The following KLF13 variants were observed in gnomAD, a reference collection of about 807,000 sequenced individuals.
KLF13 encodes the protein KLF transcription factor 13.
KLF13 carries 8 observed loss-of-function variants against 16.7 expected under a neutral mutation model. That is an observed-to-expected ratio of 0.48 (90% CI 0.28 to 0.87). The LOEUF (loss-of-function observed/expected upper bound fraction) is 0.87, where lower values mean the gene tolerates loss of function less well. KLF13 is among the 40% of genes least tolerant of loss of function. KLF13 has a pLI of 0.10. For missense variants in KLF13, 447 were observed against 452.2 expected (o/e 0.99, Z 0.10); for synonymous variants, 245 against 208.4 (o/e 1.18, Z -1.51).
At chr15:31,344,804 T>G (rs898600090) in intron 1 of KLF13, among the ~76,000 whole-genome samples, 1 of 150,492 alleles carries the variant, frequency 6.6e-6, no homozygotes. Flanking sequence ...TGGGGCAGGA[T>G]GAGGGTGGGA....
chr15:31,394,124 G>GA (rs72315214), intron 2 of KLF13, among the ~76,000 whole-genome samples: 1 of 151,548 alleles, frequency 6.6e-6, no homozygotes, highest in Non-Finnish European at 1.5e-5. Context: ...TAAGTTAAAG[G>GA]AAAAAAAAGG....
In KLF13 at chr15:31,374,387, G is replaced by A. The variant is rs2039609466; in HGVS notation, c.*2088G>A. The A allele has an allele frequency of 6.6e-6, 1 of 152,460 alleles. No individual in the cohort carries two copies. 9.4% of individuals were successfully genotyped at this position (152,460 alleles called of 1,614,324 possible). A position where few individuals can be genotyped will look rare whatever the true frequency, so the allele number is the denominator to read the frequency against. ...CCCTCTGGCTGCCATGCTGTGTTGG[G>A]GCTCTCTGACCTCCCTGCTTGCATT... On this transcript the variant is annotated 3_prime_UTR_variant, in exon 2 of 2. Coordinates refer to ENST00000307145, the MANE Select transcript of KLF13 (RefSeq NM_015995.4).
chr15:31,364,031 G>C (rs1370855344), intron 1 of KLF13, among the ~76,000 whole-genome samples: 1 of 152,166 alleles, frequency 6.6e-6, no homozygotes, highest in East Asian at 1.9e-4. Flanking sequence ...CCTTTGCACA[G>C]TTACCACTAC....
intron 1 of KLF13, among the ~76,000 whole-genome samples, chr15:31,339,034 T>C (rs1315213514): frequency 6.6e-6 from 1 of 152,124 alleles, no homozygotes; most frequent in African/African-American, 2.4e-5. Flanking sequence ...GGCTTCCTTC[T>C]TCCGCCCTCT....
At chr15:31,354,132 CAGTG>C (rs2039262918) in intron 1 of KLF13, among the ~76,000 whole-genome samples, 1 of 152,176 alleles carries the variant, frequency 6.6e-6, no homozygotes, top group Non-Finnish European at 1.5e-5. Context: ...TCTGCCCTCC[CAGTG>C]AGTGTCAGGC....
downstream of KLF13, among the ~76,000 whole-genome samples, chr15:31,379,059 A>C (rs974740846): frequency 1.3e-5 from 2 of 152,144 alleles, no homozygotes; most frequent in African/African-American, 4.8e-5. Flanking sequence ...AACCACCACA[A>C]AATGTGAAGT....
At chr15:31,339,898 G>C (rs2038993201) in intron 1 of KLF13, 1 of 701,424 alleles carries the variant, frequency 1.4e-6, no homozygotes, top group Non-Finnish European at 2.6e-6. Context: ...GTGCAGGCCT[G>C]ACCCTTCACC....
rs12442724 is a variant in KLF13, at chr15:31,398,904, C to T, written n.530-4524C>T. Among the ~76,000 whole-genome samples the T allele has an allele frequency of 0.025, 3,797 of 152,248 alleles. 331 individuals carry two copies. In the East Asian group the frequency reaches 0.29, roughly 12 times the overall value. On this transcript the variant is annotated intron_variant and non_coding_transcript_variant, in intron 2 of 2. Transcript: ENST00000500533. ...CGCCTACACAGCTCCCTTTGATCTGCCCCACTGGGCGGGGCTGTGTCATCT... is the reference window on the plus strand; with the variant it reads ...CGCCTACACAGCTCCCTTTGATCTGTCCCACTGGGCGGGGCTGTGTCATCT...
downstream of KLF13, among the ~76,000 whole-genome samples, chr15:31,407,345 A>T (rs2040141636): frequency 6.6e-6 from 1 of 152,136 alleles, no homozygotes; most frequent in Admixed American, 6.5e-5. Flanking sequence ...AGAAAGGATC[A>T]ATACCTGGGC....
intron 1 of KLF13, among the ~76,000 whole-genome samples, chr15:31,333,515 G>A (rs1234057698): frequency 6.6e-6 from 1 of 152,114 alleles, no homozygotes; most frequent in Non-Finnish European, 1.5e-5. Context: ...TTCCCATAGG[G>A]TCATTGGGTA....
At chr15:31,383,843 A>G (rs949265855) in intron 1 of KLF13, among the ~76,000 whole-genome samples, 1 of 152,184 alleles carries the variant, frequency 6.6e-6, no homozygotes. Context: ...CAGAGCTTGC[A>G]GTGAGCCAAG....
intron 1 of KLF13, among the ~76,000 whole-genome samples, chr15:31,332,892 G>T (rs57882292): frequency 1.3e-5 from 2 of 152,294 alleles, no homozygotes; most frequent in African/African-American, 4.8e-5. Context: ...CAAGCATGGG[G>T]CCATTTGTGG....
intron 1 of KLF13, among the ~76,000 whole-genome samples, chr15:31,338,945 T>C (rs2038978753): frequency 6.6e-6 from 1 of 151,974 alleles, no homozygotes; most frequent in Admixed American, 6.6e-5. Context: ...CAGGGGGGCC[T>C]GAGGAGGGAG....
chr15:31,346,663 ATCTT>A (rs1450933178), intron 1 of KLF13, among the ~76,000 whole-genome samples: 1 of 152,254 alleles, frequency 6.6e-6, no homozygotes. Flanking sequence ...TCACTTCCGT[ATCTT>A]TCTTTCTCTT....
In KLF13 at chr15:31,374,873, G is replaced by T. The variant is rs983992400; in HGVS notation, c.*2574G>T. 4 of 150,448 alleles carry T rather than the reference G, an allele frequency of 2.7e-5. No individual in the cohort carries two copies. Among genetic ancestry groups the T allele is most frequent in the Non-Finnish European group, 5.9e-5 (4 of 67,468 alleles). The allele number at this position is 150,448 out of a possible 1,614,324, so 9.3% of individuals were successfully genotyped here. A position where few individuals can be genotyped will look rare whatever the true frequency, so the allele number is the denominator to read the frequency against. ...GCAGGGCGGGGGGTGGGGGAGGGAA[G>T]CGGGTGTTGGCTGTTTCCAAAGAGA... On this transcript the variant is annotated 3_prime_UTR_variant, in exon 2 of 2. Coordinates refer to ENST00000307145, the MANE Select transcript of KLF13 (RefSeq NM_015995.4).
intron 1 of KLF13, among the ~76,000 whole-genome samples, chr15:31,357,029 C>T (rs534051312): frequency 2.0e-5 from 3 of 152,294 alleles, no homozygotes; most frequent in African/African-American, 7.2e-5. Context: ...CATATTTTTT[C>T]CCTCTTACCC....
intron 1 of KLF13, among the ~76,000 whole-genome samples, chr15:31,414,513 C>T (rs1482990550): frequency 6.6e-6 from 1 of 151,950 alleles, no homozygotes; most frequent in East Asian, 1.9e-4. Flanking sequence ...AATAGATTGA[C>T]AGTAAAAAGA....
At chr15:31,433,957 C>T (rs75975082) in intron 1 of KLF13, among the ~76,000 whole-genome samples, 2,257 of 152,326 alleles carry the variant, frequency 0.015, 23 homozygotes, top group Middle Eastern at 0.031. Flanking sequence ...CACCAGGAGA[C>T]ACCACCCCTC....
intron 1 of KLF13, among the ~76,000 whole-genome samples, chr15:31,351,228 G>C (rs1394709856): frequency 6.6e-6 from 1 of 152,152 alleles, no homozygotes; most frequent in Non-Finnish European, 1.5e-5. Context: ...TGAGTGCCTG[G>C]CATTTGTTTT....
Sources: gnomAD v4.1 joint callset for allele counts (sites outside exome capture counted in the v4.1 genomes callset) on GRCh38, gnomAD v4.1.1 for gene constraint, MANE v1.5 for transcripts, NCBI Gene and HGNC (gene_info 2026-07-23, HGNC 2026-07-21) for gene names.